Variants in ASB15 observed in about 807,000 individuals in gnomAD.
ASB15 encodes ankyrin repeat and SOCS box containing 15.
In ASB15, 54 loss-of-function variants were observed where a neutral mutation model predicts 58.0. The observed-to-expected ratio is 0.93, with a 90% confidence interval of 0.75 to 1.17. The LOEUF is 1.17. ASB15 is among the 50% of genes most tolerant of loss of function. The pLI is 0.00. For missense variants in ASB15, 680 were observed against 707.4 expected (o/e 0.96, Z 0.44); for synonymous variants, 249 against 262.4 (o/e 0.95, Z 0.50).
chr7:123,626,653 T>C (rs796727497), intron 8 of ASB15, among the ~76,000 whole-genome samples: 14 of 152,302 alleles, frequency 9.2e-5, no homozygotes, highest in African/African-American at 3.4e-4. Context: ...ATTGAAAGTA[T>C]AGAAAACATG....
rs55861872 is a variant in ASB15 at position 123,568,962 on chromosome 7, G to A, written c.-443+1874G>A. On this transcript the variant is annotated intron_variant, in intron 1 of 13. Coordinates refer to the ASB15 transcript ENST00000451558. ...AGTGAAATAAACATGATAAAATGGG[G>A]GACAGAAGACAACAGCTAAAATAGA... is the stretch of plus-strand genomic sequence containing the variant. 8.1e-3 allele frequency among the ~76,000 whole-genome samples: 1,231 copies of A among 152,190 alleles called. 13 individuals carry two copies. The highest frequency in any genetic ancestry group is 0.028 in the African/African-American group (1,175 of 41,506).
intron 1 of ASB15, among the ~76,000 whole-genome samples, chr7:123,580,686 G>A (rs910998317): frequency 5.3e-5 from 8 of 152,016 alleles, no homozygotes; most frequent in Admixed American, 4.6e-4. Context: ...GTGGGTGAGT[G>A]GAGATTAAGA....
intron 1 of ASB15, among the ~76,000 whole-genome samples, chr7:123,593,591 T>C (rs1799609487): frequency 6.6e-6 from 1 of 152,180 alleles, no homozygotes; most frequent in Non-Finnish European, 1.5e-5. Flanking sequence ...TTTAAGAATG[T>C]TGAATACTTG....
chr7:123,580,586 C>A (rs554848973), intron 1 of ASB15, among the ~76,000 whole-genome samples: 11 of 151,992 alleles, frequency 7.2e-5, no homozygotes, highest in African/African-American at 2.4e-4. Flanking sequence ...CATATGAAAA[C>A]CCAGAACTGC....
chr7:123,580,998 C>T (rs1799219127), intron 1 of ASB15, among the ~76,000 whole-genome samples: 1 of 151,970 alleles, frequency 6.6e-6, no homozygotes, highest in Non-Finnish European at 1.5e-5. Context: ...AACAGGCGTC[C>T]ATTCCTGTGT....
At chr7:123,602,952 T>C (rs1430771126) in intron 1 of ASB15, among the ~76,000 whole-genome samples, 3 of 152,168 alleles carry the variant, frequency 2.0e-5, no homozygotes, top group Non-Finnish European at 2.9e-5. Flanking sequence ...ACTCTGTGCT[T>C]CAGTTTTCTC....
intron 1 of ASB15, among the ~76,000 whole-genome samples, chr7:123,572,130 T>C (rs1164335637): frequency 7.8e-6 from 1 of 127,704 alleles, no homozygotes; most frequent in Non-Finnish European, 1.6e-5. Context: ...TTGTAGAATT[T>C]CTTTTTTTTT....
chr7:123,619,705 A>C (rs915042285), intron 7 of ASB15, among the ~76,000 whole-genome samples: 8 of 152,010 alleles, frequency 5.3e-5, no homozygotes. Context: ...TTGTATTTTT[A>C]GTAGAGATGG....
chr7:123,638,163 CCAAA>C lies in ASB15; in HGVS notation c.*1185_*1188del, dbSNP rs1276769987. 1 of 152,010 alleles carries C rather than the reference CCAAA, an allele frequency of 6.6e-6. No individual in the cohort carries two copies. Among genetic ancestry groups the C allele is most frequent in the Non-Finnish European group, 1.5e-5 (1 of 68,006 alleles). 9.4% of individuals were successfully genotyped at this position (152,010 alleles called of 1,614,324 possible). A position where few individuals can be genotyped will look rare whatever the true frequency, so the allele number is the denominator to read the frequency against. ...TCCCCTGACTCTGTCTTGCCCTGTC[CCAAA>C]CACTTTCTACATACAGCATCTCAGA... On this transcript the variant is annotated 3_prime_UTR_variant, in exon 12 of 12. Transcript: ENST00000451215.
chr7:123,626,210 T>TA (rs1801763285), intron 8 of ASB15, among the ~76,000 whole-genome samples: 1 of 152,172 alleles, frequency 6.6e-6, no homozygotes, highest in Non-Finnish European at 1.5e-5. Context: ...TTTGTTAAGT[T>TA]AAAATAGAGG....
At chr7:123,622,989 T>C (rs537777550) in intron 7 of ASB15, 1 of 152,398 alleles carries the variant, frequency 6.6e-6, no homozygotes, top group African/African-American at 2.4e-5. Context: ...CTTTAGATCC[T>C]TTCTGCGTTC....
chr7:123,623,943 GAAAGAAAGAAAGAAA>G (rs1801559105), intron 7 of ASB15, among the ~76,000 whole-genome samples: 2 of 43,922 alleles, frequency 4.6e-5, no homozygotes, highest in Admixed American at 4.2e-4. Flanking sequence ...AAGAAAGAAA[GAAAGAAAGAAAGAAA>G]GAAAGAAAGA....
intron 1 of ASB15, among the ~76,000 whole-genome samples, chr7:123,593,185 T>C (rs1399535888): frequency 6.6e-6 from 1 of 152,174 alleles, no homozygotes; most frequent in East Asian, 1.9e-4. Flanking sequence ...GAGATGGGTC[T>C]CCTGAATATA....
intron 7 of ASB15, among the ~76,000 whole-genome samples, chr7:123,618,868 T>C (rs6956498): frequency 0.38 from 57,677 of 151,844 alleles, 11,603 homozygotes; most frequent in African/African-American, 0.51. Flanking sequence ...AATATCAATG[T>C]AAAAAACGTA....
chr7:123,594,894 T>C (rs1490882734), intron 1 of ASB15, among the ~76,000 whole-genome samples: 1 of 151,988 alleles, frequency 6.6e-6, no homozygotes, highest in East Asian at 1.9e-4. Flanking sequence ...CCCCCAGAGG[T>C]GGAATCAAGA....
upstream of ASB15, among the ~76,000 whole-genome samples, chr7:123,599,102 C>T (rs1254732540): frequency 6.6e-6 from 1 of 151,472 alleles, no homozygotes; most frequent in Non-Finnish European, 1.5e-5. Flanking sequence ...ACCCCAAGGC[C>T]AAAATAATGG....
At chr7:123,615,765 G>A (rs538318481) in intron 4 of ASB15, among the ~76,000 whole-genome samples, 2 of 152,202 alleles carry the variant, frequency 1.3e-5, no homozygotes, top group East Asian at 3.9e-4. Context: ...TAAGTTCAAA[G>A]CAAAAAACAT....
chr7:123,572,644 A>T (rs1798943902), intron 1 of ASB15, among the ~76,000 whole-genome samples: 1 of 148,302 alleles, frequency 6.7e-6, no homozygotes. Flanking sequence ...GGTATGTCTG[A>T]TATTATTACC....
At chr7:123,596,715 A>G (rs986255734) in intron 1 of ASB15, among the ~76,000 whole-genome samples, 1 of 152,256 alleles carries the variant, frequency 6.6e-6, no homozygotes, top group East Asian at 1.9e-4. Flanking sequence ...AATTTCTTCT[A>G]TAGTATGTAC....
Sources: gnomAD v4.1 joint callset for allele counts (sites outside exome capture counted in the v4.1 genomes callset) on GRCh38, gnomAD v4.1.1 for gene constraint, MANE v1.5 for transcripts, NCBI Gene and HGNC (gene_info 2026-07-23, HGNC 2026-07-21) for gene names.